The following URB1 variants were observed in gnomAD, a reference collection of about 807,000 sequenced individuals.
URB1 encodes nucleolar pre-ribosomal-associated protein 1.
URB1 carries 197 observed loss-of-function variants against 242.3 expected under a neutral mutation model. The observed-to-expected ratio is 0.81, with a 90% confidence interval of 0.72 to 0.91. URB1 has a LOEUF of 0.91. URB1 is among the 40% of genes least tolerant of loss of function. The probability of loss-of-function intolerance (pLI) is 0.00; values close to 1 mark genes in which losing one functional copy is unlikely to be tolerated. For missense variants in URB1, 2,721 were observed against 2,860.5 expected, an observed-to-expected ratio of 0.95 and a Z score of 1.11; for synonymous variants, 1,153 against 1,201.8, an observed-to-expected ratio of 0.96 and a Z score of 0.84.
At chr21:32,333,171 CA>C in intron 30 of URB1, 145 bp downstream of exon 30, 1 of 720,286 alleles carries the variant, frequency 1.4e-6, no homozygotes, top group Non-Finnish European at 2.4e-6. Context: ...CTGGAATGAA[CA>C]GATGAGGATG....
chr21:32,350,698 G>C lies in URB1; in HGVS notation c.2832+6C>G. ...GAAGCCTGTGGAGGATGGGGGCAACGCTGACCTGGCCGAAGTTCTCCACAG... is the reference window on the plus strand; with the variant it reads ...GAAGCCTGTGGAGGATGGGGGCAACCCTGACCTGGCCGAAGTTCTCCACAG... On this transcript the variant is annotated splice_donor_region_variant and intron_variant, in intron 20 of 38. Coordinates refer to ENST00000382751, the MANE Select transcript of URB1 (RefSeq NM_014825.3). 6.4e-7 allele frequency: 1 copy of C among 1,550,648 alleles called. No homozygotes were observed. Among genetic ancestry groups the C allele is most frequent in the Non-Finnish European group, 8.7e-7 (1 of 1,146,476 alleles).
At chr21:32,355,391 A>G (rs2033207497) in intron 16 of URB1, 58 bp downstream of exon 16, 4 of 1,470,078 alleles carry the variant, frequency 2.7e-6, no homozygotes, top group South Asian at 1.2e-5. Context: ...CGATGACGCT[A>G]AGAAGTTAAT....
rs555301547 is a variant in URB1 at position 32,334,236 on chromosome 21, C to G, written c.4784G>C (p.Arg1595Pro). The change falls in exon 29 of 39, where the codon CGC becomes CCC. Residue 1595 changes from arginine (R) to proline (P), a missense_variant. Transcript: ENST00000382751. ...WQQPSVGDIL[R>P]LLDRDRMMQT... ...CATCATCCGGTCCCGGTCCAGCAGG[C>G]GAAGGATGTCCCCGACACTCGGCTG... The G allele has an allele frequency of 6.4e-7, 1 of 1,551,528 alleles. No homozygotes were observed.
At chr21:32,348,506 G>C (rs1052288440) in intron 21 of URB1, among the ~76,000 whole-genome samples, 5 of 152,172 alleles carry the variant, frequency 3.3e-5, no homozygotes, top group African/African-American at 9.7e-5. Context: ...CTCCCTTGCT[G>C]GATTAGAGAA....
rs373908651 is a variant in URB1, at chr21:32,336,969, G to A, written c.4685+125C>T. 185 of 947,434 alleles carry A rather than the reference G, an allele frequency of 2.0e-4. No homozygotes were observed. In the African/African-American group the frequency reaches 2.7e-3, roughly 14 times the overall value. 58.7% of individuals were successfully genotyped at this position (947,434 alleles called of 1,614,324 possible). On this transcript the variant is annotated intron_variant, in intron 28 of 38. Coordinates refer to ENST00000382751, the MANE Select transcript of URB1 (RefSeq NM_014825.3). ...AGAAGCCAGTGTGAGTCAGGGGAGT[G>A]CTGCCTGCCTCACTCTTTCCCTGAG...
chr21:32,352,782 A>G lies in URB1; in HGVS notation c.2541T>C (p.Pro847=), dbSNP rs781289319. The change falls in exon 19 of 39, where the codon CCT becomes CCC. Residue 847 remains proline, a synonymous_variant. Coordinates refer to ENST00000382751, the MANE Select transcript of URB1 (RefSeq NM_014825.3). ...YDKLEPPCLV[P]CCQQLSRFNR... ...TAAACCGTGAGAGCTGCTGGCAGCA[A>G]GGCACCAGGCATGGAGGCTCAAGCT... 3 of 1,551,628 alleles carry G rather than the reference A, an allele frequency of 1.9e-6. No homozygotes were observed. The highest frequency in any genetic ancestry group is 2.7e-5 in the African/African-American group (2 of 73,064).
chr21:32,342,339 C>A (rs2033039738), intron 24 of URB1, among the ~76,000 whole-genome samples: 1 of 152,188 alleles, frequency 6.6e-6, no homozygotes, highest in African/African-American at 2.4e-5. Flanking sequence ...CAGCTACAGG[C>A]CGTGTGTGTG....
intron 32 of URB1, among the ~76,000 whole-genome samples, chr21:32,323,031 C>T (rs541252258): frequency 5.9e-5 from 9 of 152,298 alleles, no homozygotes; most frequent in Non-Finnish European, 1.0e-4. Context: ...AATGCAGCAA[C>T]GCAGAGGGCA....
rs145507854 is a variant in URB1 at position 32,324,504 on chromosome 21, C to G, written c.5220G>C (p.Gln1740His). ...TGTCAGTGGTACCTGGTTTCAAAAT[C>G]TGCAGGGCTGCTTTGGCAATGAAGA... is the stretch of plus-strand genomic sequence containing the variant. ...LALFIAKAAL[Q>H]ILKPEEHMYL... Residue 1740 changes from glutamine to histidine, a missense_variant, in exon 32 of 39, where the codon CAG (glutamine) becomes CAC (histidine). Transcript: ENST00000382751. 6.4e-7 allele frequency: 1 copy of G among 1,552,018 alleles called. No individual in the cohort carries two copies. The highest frequency in any genetic ancestry group is 8.7e-7 in the Non-Finnish European group (1 of 1,147,016).
intron 30 of URB1, among the ~76,000 whole-genome samples, chr21:32,331,713 G>T (rs2096461): frequency 0.84 from 127,936 of 152,212 alleles, 54,260 homozygotes; most frequent in Admixed American, 0.9. Context: ...TGTGAGCCAA[G>T]AGCGGCGATA....
intron 30 of URB1, among the ~76,000 whole-genome samples, chr21:32,326,504 G>A (rs2032831095): frequency 6.6e-6 from 1 of 152,166 alleles, no homozygotes; most frequent in African/African-American, 2.4e-5. Flanking sequence ...TGCATTGGAT[G>A]GTGAAATGGT....
chr21:32,342,667 T>TAGA (rs56815238), intron 24 of URB1, among the ~76,000 whole-genome samples: 3 of 147,432 alleles, frequency 2.0e-5, no homozygotes, highest in African/African-American at 7.6e-5. Context: ...AGTGCCAACT[T>TAGA]GTGAACCAGG....
intron 32 of URB1, among the ~76,000 whole-genome samples, chr21:32,323,495 G>GT (rs2032792062): frequency 1.3e-5 from 2 of 152,202 alleles, no homozygotes; most frequent in African/African-American, 4.8e-5. Context: ...CCCCATTCCT[G>GT]TAACAAAAAG....
chr21:32,381,653 T>C (rs1323664005), intron 4 of URB1, among the ~76,000 whole-genome samples: 1 of 152,178 alleles, frequency 6.6e-6, no homozygotes, highest in Non-Finnish European at 1.5e-5. Context: ...AACTGAGTAA[T>C]AGATGATAGT....
At chr21:32,361,175 G>GAAAGAAAGAAAGAAAGAAAGAAAGA (rs2033282160) in intron 12 of URB1, 52 bp from the exon 13 acceptor site, 1 of 717,488 alleles carries the variant, frequency 1.4e-6, no homozygotes, top group African/African-American at 1.8e-5. Context: ...AAGAAAGAAA[G>GAAAGAAAGAAAGAAAGAAAGAAAGA]AAAGAAAGAA....
At chr21:32,367,995 G>A (rs2033364749) in intron 9 of URB1, among the ~76,000 whole-genome samples, 1 of 152,126 alleles carries the variant, frequency 6.6e-6, no homozygotes, top group Non-Finnish European at 1.5e-5. Flanking sequence ...TCCCTGAAAG[G>A]TCTTCATATT....
At chr21:32,386,710 A>G (rs574225440) in intron 1 of URB1, among the ~76,000 whole-genome samples, 1 of 152,336 alleles carries the variant, frequency 6.6e-6, no homozygotes, top group South Asian at 2.1e-4. Flanking sequence ...TGGTAACGAA[A>G]CATTACCAAG....
At position 32,311,522 on chromosome 21, in the gene URB1, C is replaced by T; in HGVS notation, c.*3396G>A. On this transcript the variant is annotated 3_prime_UTR_variant, in exon 39 of 39. Transcript: ENST00000382751. ...CTCCTCTGAGATTTCTCTAGAATGG[C>T]CACCTTTGTGAGCTGGCTGACCCTT... 1 of 949,282 alleles carries T rather than the reference C, an allele frequency of 1.1e-6. No homozygotes were observed. The allele number at this position is 949,282 out of a possible 1,614,324, so 58.8% of individuals were successfully genotyped here.
chr21:32,326,060 TCA>T (rs2123551110), intron 30 of URB1, among the ~76,000 whole-genome samples: 1 of 152,102 alleles, frequency 6.6e-6, no homozygotes, highest in African/African-American at 2.4e-5. Context: ...AGGAGAAGAC[TCA>T]CAGAGAGAGG....
Sources: gnomAD v4.1 joint callset for allele counts (sites outside exome capture counted in the v4.1 genomes callset) on GRCh38, gnomAD v4.1.1 for gene constraint, MANE v1.5 for transcripts, NCBI Gene and HGNC (gene_info 2026-07-23, HGNC 2026-07-21) for gene names.